The following BRCA2 variants were observed in gnomAD, a reference collection of about 807,000 sequenced individuals.
The protein encoded by BRCA2 is breast cancer type 2 susceptibility protein.
Under a neutral mutation model 276.7 loss-of-function variants are expected in BRCA2, and 203 were observed. That is an observed-to-expected ratio of 0.73 (90% CI 0.65 to 0.82). The LOEUF (loss-of-function observed/expected upper bound fraction) is 0.82. Ranked by LOEUF, BRCA2 falls within the 40% of genes least tolerant of loss-of-function variation. BRCA2 has a pLI of 0.00. For synonymous variants in BRCA2, 1,289 were observed against 1,338.4 expected, an observed-to-expected ratio of 0.96 and a Z score of 0.81; for missense variants, 3,920 against 3,915.0, an observed-to-expected ratio of 1.00 and a Z score of -0.03.
At chr13:32,318,656 T>A (rs528122598) in intron 2 of BRCA2, among the ~76,000 whole-genome samples, 1 of 152,296 alleles carries the variant, frequency 6.6e-6, no homozygotes, top group South Asian at 2.1e-4. Flanking sequence ...TTAGCAAGGT[T>A]GGTCTCGATC....
At chr13:32,325,785 C>T (rs1020538389) in intron 4 of BRCA2, among the ~76,000 whole-genome samples, 7 of 152,182 alleles carry the variant, frequency 4.6e-5, no homozygotes, top group African/African-American at 1.7e-4. Flanking sequence ...CGTGATCCGC[C>T]CGCCTCAGCC....
intron 16 of BRCA2, among the ~76,000 whole-genome samples, chr13:32,360,560 A>G (rs540252696): frequency 4.6e-4 from 70 of 152,248 alleles, no homozygotes; most frequent in African/African-American, 1.7e-3. Flanking sequence ...GGGTTTCACC[A>G]TGTTGGCCAG....
At chr13:32,377,748 T>TA (rs1005838429) in intron 21 of BRCA2, among the ~76,000 whole-genome samples, 8 of 151,592 alleles carry the variant, frequency 5.3e-5, no homozygotes, top group African/African-American at 1.5e-4. Context: ...GGTAGATAGC[T>TA]AAAAAAAAAT....
chr13:32,332,126 C>G, intron 9 of BRCA2, 146 bp from the exon 10 acceptor site: 1 of 759,924 alleles, frequency 1.3e-6, no homozygotes, highest in South Asian at 2.9e-5. Context: ...AAATAAAATG[C>G]CAAGTACTCA....
At position 32,318,960 on chromosome 13, in the gene BRCA2, A is replaced by C; in HGVS notation, c.68-117A>C. 5.1e-6 allele frequency: 7 copies of C among 1,378,628 alleles called. No individual in the cohort carries two copies. In the South Asian group the frequency reaches 9.2e-5, roughly 18 times the overall value. 85.4% of individuals were successfully genotyped at this position (1,378,628 alleles called of 1,614,324 possible). On this transcript the variant is annotated intron_variant, in intron 2 of 26. Transcript: ENST00000380152. ...TCTTGTTTAATTAATATGCCTTAACAAAAGTAATCCATAGTCAAGATCTTA... is the reference window on the plus strand; with the variant it reads ...TCTTGTTTAATTAATATGCCTTAACCAAAGTAATCCATAGTCAAGATCTTA...
chr13:32,396,808 T>C (rs1221284025), intron 25 of BRCA2, 90 bp from the exon 26 acceptor site: 1 of 1,544,218 alleles, frequency 6.5e-7, no homozygotes, highest in East Asian at 2.2e-5. Flanking sequence ...GGTCCAAACT[T>C]TTCATTTCTG....
chr13:32,331,975 A>C (rs988678965), intron 9 of BRCA2, among the ~76,000 whole-genome samples: 1 of 152,150 alleles, frequency 6.6e-6, no homozygotes, highest in Non-Finnish European at 1.5e-5. Flanking sequence ...TATATATAGT[A>C]AGATTAGGTG....
chr13:32,386,438 C>T (rs1345526012), intron 24 of BRCA2, among the ~76,000 whole-genome samples: 1 of 152,084 alleles, frequency 6.6e-6, no homozygotes, highest in African/African-American at 2.4e-5. Flanking sequence ...ATCATCTTTT[C>T]TGCTTGCTGT....
intron 2 of BRCA2, among the ~76,000 whole-genome samples, chr13:32,317,236 T>C (rs867680002): frequency 6.6e-6 from 1 of 152,092 alleles, no homozygotes; most frequent in African/African-American, 2.4e-5. Flanking sequence ...GAATTTAAAG[T>C]TAATTTACTT....
chr13:32,371,760 G>A (rs756234844), intron 20 of BRCA2, among the ~76,000 whole-genome samples: 2 of 151,912 alleles, frequency 1.3e-5, no homozygotes, highest in South Asian at 2.1e-4. Context: ...CTAGACCACC[G>A]CAATAAAGCA....
upstream of BRCA2, chr13:32,315,168 G>A (rs2072241252): frequency 6.6e-6 from 1 of 152,184 alleles, no homozygotes; most frequent in Non-Finnish European, 1.5e-5. Context: ...GTATTTCATA[G>A]GTCCCAGGTC....
chr13:32,382,136 T>TAG (rs988860246), intron 24 of BRCA2, among the ~76,000 whole-genome samples: 1 of 152,182 alleles, frequency 6.6e-6, no homozygotes, highest in African/African-American at 2.4e-5. Context: ...GTATTTTTAG[T>TAG]AGAGACGGGG....
chr13:32,326,707 A>T, intron 7 of BRCA2, 94 bp downstream of exon 7: 1 of 882,268 alleles, frequency 1.1e-6, no homozygotes, highest in East Asian at 2.5e-5. Flanking sequence ...ATGAAAAGAA[A>T]ATATTAGATA....
At chr13:32,388,849 CT>C (rs1190962167) in intron 24 of BRCA2, among the ~76,000 whole-genome samples, 1 of 152,120 alleles carries the variant, frequency 6.6e-6, no homozygotes, top group East Asian at 1.9e-4. Flanking sequence ...TTTTTATCCA[CT>C]CTTTCAATCT....
chr13:32,399,139 A>G lies in BRCA2; in HGVS notation c.*369A>G, dbSNP rs7334543. 0.25 allele frequency: 57,069 copies of G among 231,366 alleles called. 7,970 individuals carry two copies. The highest frequency in any genetic ancestry group is 0.31 in the African/African-American group (13,626 of 44,462). 14.3% of individuals were successfully genotyped at this position (231,366 alleles called of 1,614,324 possible). On this transcript the variant is annotated 3_prime_UTR_variant, in exon 27 of 27. Transcript: ENST00000380152. ...AACATAGGGAGACCCCCATCTTTAC[A>G]AAGAAAAAAAAAAGGGGAAAAGAAA...
rs80358451 is a variant in BRCA2, at chr13:32,333,140, T to G, written c.1662T>G (p.Cys554Trp). 201 of 1,613,950 alleles carry G rather than the reference T, an allele frequency of 1.2e-4. No homozygotes were observed. The highest frequency in any genetic ancestry group is 1.6e-4 in the Non-Finnish European group (186 of 1,180,002). The stretch of plus-strand genomic sequence containing the variant: ...GCTCACAGAAGGAGGACTCCTTATG[T>G]CCAAATTTAATTGATAATGGAAGCT... ...TVCSQKEDSLCPNLIDNGSWP... is the reference protein window; with the variant it reads ...TVCSQKEDSLWPNLIDNGSWP... The change falls in exon 10 of 27, where the codon TGT becomes TGG. Residue 554 changes from cysteine (C) to tryptophan (W), a missense_variant. This residue lies in a region of BRCA2 where 3,263 missense variants were observed against 3,156.9 expected (regional missense o/e 1.03). Transcript: ENST00000380152.
At chr13:32,347,684 T>G (rs1477617851) in intron 13 of BRCA2, among the ~76,000 whole-genome samples, 1 of 152,196 alleles carries the variant, frequency 6.6e-6, no homozygotes, top group Non-Finnish European at 1.5e-5. Flanking sequence ...ACCTAGCTCC[T>G]TCCCACACTT....
At chr13:32,348,620 T>G (rs574816494) in intron 13 of BRCA2, among the ~76,000 whole-genome samples, 2 of 152,294 alleles carry the variant, frequency 1.3e-5, no homozygotes, top group South Asian at 2.1e-4. Flanking sequence ...GTAGACATTT[T>G]TCAGATGTGA....
chr13:32,359,985 G>A (rs2072728058), intron 16 of BRCA2, among the ~76,000 whole-genome samples: 3 of 152,218 alleles, frequency 2.0e-5, no homozygotes, highest in African/African-American at 7.2e-5. Flanking sequence ...GAATTGTGTA[G>A]TATGTTAGAA....
Sources: allele counts gnomAD v4.1 joint callset (sites outside exome capture counted in the v4.1 genomes callset), GRCh38; gene constraint gnomAD v4.1.1; regional missense constraint gnomAD v4.1.1; transcripts MANE v1.5; gene names NCBI Gene and HGNC (gene_info 2026-07-23, HGNC 2026-07-21).